Variants in AKAP6 observed in about 807,000 individuals in gnomAD.
The protein encoded by AKAP6 is A-kinase anchor protein 6.
In AKAP6, 58 loss-of-function variants were observed where a neutral mutation model predicts 188.5. That is an observed-to-expected ratio of 0.31 (90% CI 0.25 to 0.38). The LOEUF (loss-of-function observed/expected upper bound fraction) is 0.38, where lower values mean the gene tolerates loss of function less well. Ranked by LOEUF, AKAP6 falls within the 10% of genes least tolerant of loss-of-function variation. AKAP6 has a pLI of 1.00. For synonymous variants in AKAP6, 989 were observed against 998.6 expected, an observed-to-expected ratio of 0.99 and a Z score of 0.18; for missense variants, 2,710 against 2,740.0, an observed-to-expected ratio of 0.99 and a Z score of 0.24.
intron 7 of AKAP6, among the ~76,000 whole-genome samples, chr14:32,638,544 T>G (rs1290909993): frequency 6.6e-6 from 1 of 152,132 alleles, no homozygotes; most frequent in African/African-American, 2.4e-5. Flanking sequence ...CTTAAAAAAT[T>G]GTTTTTGTTA....
chr14:32,571,205 AG>A (rs1307547714), intron 4 of AKAP6, among the ~76,000 whole-genome samples: 1 of 149,908 alleles, frequency 6.7e-6, no homozygotes, highest in Non-Finnish European at 1.5e-5. Flanking sequence ...GTTCAACAGC[AG>A]AAGCTGACTT....
At chr14:32,804,352 A>G (rs1166622921) in intron 12 of AKAP6, among the ~76,000 whole-genome samples, 1 of 152,170 alleles carries the variant, frequency 6.6e-6, no homozygotes, top group Non-Finnish European at 1.5e-5. Context: ...CTCCAAAGGG[A>G]GGAATTTTAC....
chr14:32,543,366 T>A (rs1419315713), intron 3 of AKAP6, among the ~76,000 whole-genome samples: 1 of 152,242 alleles, frequency 6.6e-6, no homozygotes, highest in Non-Finnish European at 1.5e-5. Flanking sequence ...TTGTCACAAA[T>A]GACAGGATTT....
At chr14:32,737,017 G>T (rs1251040220) in intron 11 of AKAP6, among the ~76,000 whole-genome samples, 3 of 152,148 alleles carry the variant, frequency 2.0e-5, no homozygotes, top group Non-Finnish European at 4.4e-5. Flanking sequence ...AAGCAAATGG[G>T]TTTATGGTCT....
chr14:32,546,708 T>G lies in AKAP6; in HGVS notation c.2055T>G (p.His685Gln). The G allele has an allele frequency of 6.2e-7, 1 of 1,614,098 alleles. No individual in the cohort carries two copies. Reference sequence around the variant, plus strand: ...ATTCTGAAATCTATCCAACCTATCATGTCAAAAAGAAGCATACAAGGCTAG... The same window carrying G: ...ATTCTGAAATCTATCCAACCTATCAGGTCAAAAAGAAGCATACAAGGCTAG... ...NSDSEIYPTY[H>Q]VKKKHTRLGR... The change falls in exon 4 of 14, where the codon CAT becomes CAG. Residue 685 changes from histidine (H) to glutamine (Q), a missense_variant. This residue lies in a region of AKAP6 where 2,473 missense variants were observed against 2,426.1 expected (regional missense o/e 1.02). Coordinates refer to ENST00000280979, the MANE Select transcript of AKAP6 (RefSeq NM_004274.5).
At chr14:32,536,589 C>T (rs887569901) in intron 3 of AKAP6, among the ~76,000 whole-genome samples, 2 of 152,088 alleles carry the variant, frequency 1.3e-5, no homozygotes, top group Non-Finnish European at 2.9e-5. Flanking sequence ...TCCCATGATT[C>T]ATGTTTTAGA....
At chr14:32,340,207 TA>T (rs1886846636) in intron 1 of AKAP6, among the ~76,000 whole-genome samples, 2 of 151,814 alleles carry the variant, frequency 1.3e-5, no homozygotes, top group Non-Finnish European at 2.9e-5. Context: ...TTGTTTTTAT[TA>T]AATGTTATTT....
chr14:32,587,224 G>GT (rs5807668), intron 5 of AKAP6, among the ~76,000 whole-genome samples: 54,308 of 151,520 alleles, frequency 0.36, 11,598 homozygotes, highest in East Asian at 0.81. Context: ...GTTGGTCATT[G>GT]TTTTTTTTGC....
chr14:32,738,926 C>T (rs1042401999), intron 11 of AKAP6, among the ~76,000 whole-genome samples: 4 of 152,036 alleles, frequency 2.6e-5, no homozygotes, highest in Non-Finnish European at 5.9e-5. Flanking sequence ...AAACTACTTA[C>T]AAAAGTAGGG....
chr14:32,545,685 G>A lies in AKAP6; in HGVS notation c.1032G>A (p.Val344=). The A allele has an allele frequency of 6.2e-7, 1 of 1,614,164 alleles. No individual in the cohort carries two copies. Among genetic ancestry groups the A allele is most frequent in the Non-Finnish European group, 8.5e-7 (1 of 1,180,026 alleles). The change falls in exon 4 of 14, where the codon GTG becomes GTA. Residue 344 remains valine, a synonymous_variant. Coordinates refer to ENST00000280979, the MANE Select transcript of AKAP6 (RefSeq NM_004274.5). ...CTGCTCAACCCTCCTCTGAGACTGT[G>A]CAGCAAGAATCCAGTTCCTCCTCCC... The part of the protein sequence containing the change: ...TNAAQPSSET[V]QQESSSSSHH...
At chr14:32,613,763 A>G (rs568759212) in intron 7 of AKAP6, among the ~76,000 whole-genome samples, 184 of 152,186 alleles carry the variant, frequency 1.2e-3, no homozygotes, top group African/African-American at 4.2e-3. Context: ...TTTTTTGATC[A>G]CACATTGTTC....
intron 9 of AKAP6, among the ~76,000 whole-genome samples, chr14:32,710,721 G>T (rs1442578507): frequency 6.6e-6 from 1 of 152,062 alleles, no homozygotes; most frequent in Non-Finnish European, 1.5e-5. Context: ...GTAGGAAGTA[G>T]GGATAATAAC....
chr14:32,777,510 C>T (rs1052081653), intron 12 of AKAP6, among the ~76,000 whole-genome samples: 6 of 152,016 alleles, frequency 3.9e-5, no homozygotes, highest in African/African-American at 1.2e-4. Flanking sequence ...CCTGAAATCA[C>T]ATTATAAAGA....
intron 2 of AKAP6, among the ~76,000 whole-genome samples, chr14:32,464,931 C>A (rs1878315669): frequency 6.6e-6 from 1 of 152,170 alleles, no homozygotes; most frequent in South Asian, 2.1e-4. Context: ...AAATCACAAG[C>A]ATTCCTATAC....
intron 13 of AKAP6, among the ~76,000 whole-genome samples, chr14:32,826,873 T>G (rs61981394): frequency 0.023 from 3,520 of 152,210 alleles, 67 homozygotes; most frequent in Non-Finnish European, 0.037. Flanking sequence ...ATGCCTGGCC[T>G]TATCTCGGGC....
At chr14:32,576,859 C>T (rs1884741645) in intron 4 of AKAP6, among the ~76,000 whole-genome samples, 1 of 152,042 alleles carries the variant, frequency 6.6e-6, no homozygotes, top group Non-Finnish European at 1.5e-5. Context: ...ACCCCACAAT[C>T]CAATCCAAAT....
intron 7 of AKAP6, among the ~76,000 whole-genome samples, chr14:32,665,745 C>T (rs1888907006): frequency 6.6e-6 from 1 of 152,176 alleles, no homozygotes; most frequent in Non-Finnish European, 1.5e-5. Context: ...AGGCCTAACA[C>T]ACCCAGCATT....
At chr14:32,351,183 A>C (rs1370893287) in intron 1 of AKAP6, among the ~76,000 whole-genome samples, 1 of 152,240 alleles carries the variant, frequency 6.6e-6, no homozygotes, top group Non-Finnish European at 1.5e-5. Context: ...TATATCTTAT[A>C]GACATTAAAT....
intron 12 of AKAP6, among the ~76,000 whole-genome samples, chr14:32,820,974 T>G (rs984824358): frequency 2.1e-5 from 3 of 145,202 alleles, no homozygotes; most frequent in African/African-American, 8.3e-5. Flanking sequence ...CATGTGTGGC[T>G]GCAGATAGTA....
Sources: allele counts gnomAD v4.1 joint callset (sites outside exome capture counted in the v4.1 genomes callset), GRCh38; gene constraint gnomAD v4.1.1; regional missense constraint gnomAD v4.1.1; transcripts MANE v1.5; gene names NCBI Gene and HGNC (gene_info 2026-07-23, HGNC 2026-07-21).